LRRTM4: variants seen among roughly 807,000 people sequenced by gnomAD.
LRRTM4 encodes the protein leucine rich repeat transmembrane neuronal 4.
In LRRTM4, 25 loss-of-function variants were observed where a neutral mutation model predicts 47.6. The observed-to-expected ratio is 0.53, with a 90% CI of 0.38 to 0.73. The LOEUF is 0.73. Among genes scored for constraint, LRRTM4 ranks in the 30% least tolerant of loss-of-function variants. The pLI, the probability that LRRTM4 is intolerant of heterozygous loss-of-function variation, is 0.00. For missense variants in LRRTM4, 638 were observed against 713.4 expected (o/e 0.89, Z 1.20); for synonymous variants, 311 against 269.5 (o/e 1.15, Z -1.51).
intron 3 of LRRTM4, among the ~76,000 whole-genome samples, chr2:76,913,382 T>C (rs953007109): frequency 5.3e-5 from 8 of 152,042 alleles, no homozygotes; most frequent in Non-Finnish European, 1.0e-4. Context: ...TCTAGGATGA[T>C]TGATATCTGT....
chr2:77,238,656 C>A (rs1204188497), intron 3 of LRRTM4, among the ~76,000 whole-genome samples: 1 of 151,946 alleles, frequency 6.6e-6, no homozygotes, highest in East Asian at 1.9e-4. Context: ...ACATTGTATT[C>A]AAACTCCTTA....
At chr2:76,774,001 C>A (rs533176123) in intron 3 of LRRTM4, among the ~76,000 whole-genome samples, 2 of 151,690 alleles carry the variant, frequency 1.3e-5, no homozygotes, top group Admixed American at 1.3e-4. Flanking sequence ...GAACAATGTG[C>A]GGATGAAAGA....
intron 2 of LRRTM4, among the ~76,000 whole-genome samples, chr2:77,520,504 A>G (rs886793961): frequency 2.0e-5 from 3 of 152,108 alleles, no homozygotes; most frequent in African/African-American, 7.2e-5. Context: ...CAAGTTGTTA[A>G]TAAGCATAGA....
At chr2:76,753,762 G>GAACATGTCTGTATAGTAAATGTGAGAGC (rs2104060427) in intron 3 of LRRTM4, among the ~76,000 whole-genome samples, 1 of 152,196 alleles carries the variant, frequency 6.6e-6, no homozygotes, top group African/African-American at 2.4e-5. Context: ...AGTGAGAAAT[G>GAACATGTCTGTATAGTAAATGTGAGAGC]AACATGTCTG....
chr2:76,899,222 G>C (rs767099548), intron 3 of LRRTM4, among the ~76,000 whole-genome samples: 5 of 151,544 alleles, frequency 3.3e-5, no homozygotes, highest in Non-Finnish European at 7.4e-5. Context: ...TATAGAGAGA[G>C]ATGCTGGGAC....
intron 3 of LRRTM4, among the ~76,000 whole-genome samples, chr2:76,873,192 T>A (rs562682852): frequency 6.6e-6 from 1 of 151,926 alleles, no homozygotes; most frequent in Non-Finnish European, 1.5e-5. Flanking sequence ...ATGTTGACAA[T>A]AGAAATAATT....
At chr2:77,023,163 C>T (rs1032862425) in intron 3 of LRRTM4, among the ~76,000 whole-genome samples, 8 of 152,254 alleles carry the variant, frequency 5.3e-5, no homozygotes, top group African/African-American at 1.7e-4. Flanking sequence ...TTTGAAGCCA[C>T]AGCCCAAGCT....
chr2:77,117,987 A>C (rs1671432670), intron 3 of LRRTM4, among the ~76,000 whole-genome samples: 1 of 151,988 alleles, frequency 6.6e-6, no homozygotes, highest in Admixed American at 6.6e-5. Context: ...ATTACTATCA[A>C]AATATATAGC....
rs1312234222 is a variant in LRRTM4, at chr2:76,851,754, CGTTTT to C, written c.1552-102843_1552-102839del. On this transcript the variant is annotated intron_variant, in intron 3 of 3. Coordinates refer to ENST00000409884, the MANE Select transcript of LRRTM4 (RefSeq NM_001134745.3). ...CATGCTTAGATTTTTAACTTTTATT[CGTTTT>C]TTTTTTTTTTTTTTTTGACATTCTC... Among the ~76,000 whole-genome samples, 5 of 108,644 alleles carry C rather than the reference CGTTTT, an allele frequency of 4.6e-5. No homozygotes were observed. The South Asian group carries it at 1.5e-3, about 34-fold the overall frequency. The allele number at this position is 108,644 out of a possible 152,430, so 71.3% of individuals were successfully genotyped here.
intron 3 of LRRTM4, among the ~76,000 whole-genome samples, chr2:77,082,571 T>C (rs1028696110): frequency 2.6e-5 from 4 of 152,110 alleles, no homozygotes; most frequent in Non-Finnish European, 5.9e-5. Context: ...TATAGGTCAA[T>C]GCAGAAAACT....
chr2:76,900,010 C>T (rs768747841), intron 3 of LRRTM4, among the ~76,000 whole-genome samples: 24 of 152,242 alleles, frequency 1.6e-4, no homozygotes, highest in Non-Finnish European at 2.2e-4. Flanking sequence ...GGGTGGATCA[C>T]TTGAGGATAG....
intron 3 of LRRTM4, among the ~76,000 whole-genome samples, chr2:76,794,544 G>T (rs1230782477): frequency 6.7e-6 from 1 of 149,504 alleles, no homozygotes; most frequent in Non-Finnish European, 1.5e-5. Flanking sequence ...AGACTTAATT[G>T]AATTGCTTTA....
At chr2:77,025,943 C>T (rs1171688049) in intron 3 of LRRTM4, among the ~76,000 whole-genome samples, 3 of 152,102 alleles carry the variant, frequency 2.0e-5, no homozygotes, top group Non-Finnish European at 4.4e-5. Context: ...AATTATCTTG[C>T]TAAATAAACA....
chr2:76,914,862 G>T (rs77048741), intron 3 of LRRTM4, among the ~76,000 whole-genome samples: 1 of 152,194 alleles, frequency 6.6e-6, no homozygotes, highest in Admixed American at 6.5e-5. Context: ...TTAATAAAGA[G>T]CAAAGGCTCT....
chr2:77,054,577 A>C (rs1679542699), intron 3 of LRRTM4, among the ~76,000 whole-genome samples: 1 of 152,220 alleles, frequency 6.6e-6, no homozygotes, highest in African/African-American at 2.4e-5. Context: ...GATAGGTACA[A>C]GCCAGAGAAA....
intron 3 of LRRTM4, among the ~76,000 whole-genome samples, chr2:76,866,143 C>T (rs1033417672): frequency 2.0e-5 from 3 of 152,062 alleles, no homozygotes; most frequent in Non-Finnish European, 4.4e-5. Context: ...ATTCTCTTCC[C>T]ACAGAAAAAC....
intron 3 of LRRTM4, among the ~76,000 whole-genome samples, chr2:76,824,171 G>T (rs751200862): frequency 6.6e-6 from 1 of 151,500 alleles, no homozygotes; most frequent in Non-Finnish European, 1.5e-5. Flanking sequence ...TCTGGTAGAG[G>T]TTCAATAGAC....
Position 77,017,803 on chromosome 2 carries a change from GC to G in LRRTM4, c.1552-268888del, listed in dbSNP as rs202067686. Reference sequence around the variant, plus strand: ...CTCCTAACTTTATTTGATTAATTTAGCTTTTTTATAAATTTCTAGACAATGA... The same window carrying G: ...CTCCTAACTTTATTTGATTAATTTAGTTTTTTATAAATTTCTAGACAATGA... On this transcript the variant is annotated intron_variant, in intron 3 of 3. Transcript: ENST00000409884. 3.3e-3 allele frequency among the ~76,000 whole-genome samples: 504 copies of G among 152,036 alleles called. 1 individual carries two copies. Among genetic ancestry groups the G allele is most frequent in the African/African-American group, 0.012 (480 of 41,456 alleles).
chr2:77,029,803 G>T (rs961324360), intron 3 of LRRTM4, among the ~76,000 whole-genome samples: 4 of 152,152 alleles, frequency 2.6e-5, no homozygotes, highest in African/African-American at 9.7e-5. Context: ...TGTAAAAAAG[G>T]AATCATCATC....
Sources: allele counts gnomAD v4.1 joint callset (sites outside exome capture counted in the v4.1 genomes callset), GRCh38; gene constraint gnomAD v4.1.1; transcripts MANE v1.5; gene names NCBI Gene and HGNC (gene_info 2026-07-23, HGNC 2026-07-21).